Variants in DCLK1 observed in about 807,000 individuals in gnomAD.
DCLK1 encodes doublecortin like kinase 1.
A neutral mutation model predicts 86.2 loss-of-function variants in DCLK1; 16 were observed. That is an observed-to-expected ratio of 0.19 (90% CI 0.13 to 0.28). The LOEUF (loss-of-function observed/expected upper bound fraction) is 0.28. Among genes scored for constraint, DCLK1 ranks in the 10% least tolerant of loss-of-function variants. DCLK1 has a pLI of 1.00. For missense variants in DCLK1, 590 were observed against 940.2 expected (o/e 0.63, Z 4.87); for synonymous variants, 369 against 370.5 (o/e 1.00, Z 0.05).
chr13:36,005,746 C>G (rs904407730), intron 3 of DCLK1, among the ~76,000 whole-genome samples: 1 of 152,112 alleles, frequency 6.6e-6, no homozygotes, highest in African/African-American at 2.4e-5. Flanking sequence ...TTTCCAATAG[C>G]AAAGACTAGA....
chr13:36,035,692 C>T (rs1459350420), intron 3 of DCLK1, among the ~76,000 whole-genome samples: 1 of 152,132 alleles, frequency 6.6e-6, no homozygotes, highest in African/African-American at 2.4e-5. Flanking sequence ...GCAAAAGCCA[C>T]CATGCTGGCT....
At chr13:35,864,055 C>T (rs72652879) in intron 5 of DCLK1, among the ~76,000 whole-genome samples, 11,335 of 152,172 alleles carry the variant, frequency 0.074, 492 homozygotes, top group Middle Eastern at 0.11. Context: ...TCTCCAGCAC[C>T]CAACGTTGCC....
chr13:36,116,586 T>C (rs996905015), intron 2 of DCLK1, among the ~76,000 whole-genome samples: 5 of 152,258 alleles, frequency 3.3e-5, no homozygotes, highest in African/African-American at 7.2e-5. Context: ...ACTACTTAAC[T>C]TCAGTCTGAA....
rs1008039901 is a variant in DCLK1 at position 35,847,189 on chromosome 13, T to G, written c.1035+7310A>C. ...TTTAATAGTTAACACAATATTGGAT[T>G]TAGCTGAATTTCAATTTTTTTATAA... On this transcript the variant is annotated intron_variant, in intron 6 of 16. Coordinates refer to ENST00000360631, the MANE Select transcript of DCLK1 (RefSeq NM_001330071.2). 6 of 975,318 alleles carry G rather than the reference T, an allele frequency of 6.2e-6. No homozygotes were observed. The Admixed American group carries it at 3.1e-4, about 50-fold the overall frequency. The allele number at this position is 975,318 out of a possible 1,614,324, so 60.4% of individuals were successfully genotyped here.
chr13:35,868,022 C>CTT lies in DCLK1; in HGVS notation c.940+3200_940+3201dup, dbSNP rs548370259. 2.1e-3 allele frequency among the ~76,000 whole-genome samples: 252 copies of CTT among 118,546 alleles called. 10 individuals carry two copies. The highest frequency in any genetic ancestry group is 8.2e-3 in the African/African-American group (236 of 28,936). 77.8% of individuals were successfully genotyped at this position (118,546 alleles called of 152,430 possible). On this transcript the variant is annotated intron_variant, in intron 5 of 16. Coordinates refer to ENST00000360631, the MANE Select transcript of DCLK1 (RefSeq NM_001330071.2). Reference sequence around the variant, plus strand: ...CTAGAGTATCTAACAACCTACAGCTCTTTTTTTTTTTTTTTTTTGAGATGG... The same window carrying CTT: ...CTAGAGTATCTAACAACCTACAGCTCTTTTTTTTTTTTTTTTTTTTGAGATGG...
intron 4 of DCLK1, among the ~76,000 whole-genome samples, chr13:35,911,943 A>AT (rs1230421134): frequency 6.6e-6 from 1 of 152,148 alleles, no homozygotes; most frequent in Non-Finnish European, 1.5e-5. Context: ...CCCTTCCATC[A>AT]TAGCTGTGGG....
intron 3 of DCLK1, among the ~76,000 whole-genome samples, chr13:36,048,386 C>A (rs764959867): frequency 1.3e-5 from 2 of 152,074 alleles, no homozygotes; most frequent in Non-Finnish European, 2.9e-5. Flanking sequence ...CACCTAAAGA[C>A]AATATTATTT....
intron 4 of DCLK1, among the ~76,000 whole-genome samples, chr13:35,880,708 TCCCAG>T (rs1324590122): frequency 6.6e-6 from 1 of 152,178 alleles, no homozygotes; most frequent in African/African-American, 2.4e-5. Flanking sequence ...TTAAAACGTG[TCCCAG>T]AAGGCATCTG....
intron 4 of DCLK1, among the ~76,000 whole-genome samples, chr13:35,874,162 T>G (rs2153115243): frequency 6.6e-6 from 1 of 152,310 alleles, no homozygotes; most frequent in East Asian, 1.9e-4. Flanking sequence ...TTCAAAATTT[T>G]TCTTCCCTAT....
intron 3 of DCLK1, among the ~76,000 whole-genome samples, chr13:36,096,274 G>T (rs991262107): frequency 6.6e-6 from 1 of 152,150 alleles, no homozygotes; most frequent in African/African-American, 2.4e-5. Flanking sequence ...TTCCCATCTT[G>T]TAAGAGGCTT....
At chr13:35,988,302 C>T (rs547060967) in intron 3 of DCLK1, among the ~76,000 whole-genome samples, 2 of 152,366 alleles carry the variant, frequency 1.3e-5, no homozygotes, top group South Asian at 4.1e-4. Flanking sequence ...GTTGGCGACA[C>T]CGCGGCCTGA....
intron 1 of DCLK1, among the ~76,000 whole-genome samples, chr13:36,128,453 G>T (rs563353197): frequency 6.6e-6 from 1 of 152,120 alleles, no homozygotes; most frequent in African/African-American, 2.4e-5. Flanking sequence ...TGAGAAGCAG[G>T]ATTTTGTAAG....
chr13:35,895,860 G>GA (rs1406623223), intron 4 of DCLK1, among the ~76,000 whole-genome samples: 12 of 151,398 alleles, frequency 7.9e-5, no homozygotes, highest in African/African-American at 2.9e-4. Flanking sequence ...ATTTTTAATA[G>GA]AAAAAACTAT....
intron 8 of DCLK1, among the ~76,000 whole-genome samples, chr13:35,834,722 AGAG>A (rs924714783): frequency 5.9e-5 from 9 of 152,134 alleles, no homozygotes; most frequent in Non-Finnish European, 1.0e-4. Flanking sequence ...TGAGAGGGAG[AGAG>A]GAGAACGGTG....
chr13:35,805,553 C>T (rs1396831795), intron 15 of DCLK1, 146 bp downstream of exon 15: 1 of 726,816 alleles, frequency 1.4e-6, no homozygotes, highest in Non-Finnish European at 2.2e-6. Context: ...CCCACCTCGG[C>T]CTCCCAAAGG....
intron 4 of DCLK1, among the ~76,000 whole-genome samples, chr13:35,911,046 G>A (rs981412017): frequency 6.6e-6 from 1 of 151,598 alleles, no homozygotes; most frequent in Admixed American, 6.6e-5. Flanking sequence ...CACTTTGGGA[G>A]GCAGAGGTGG....
At chr13:36,014,441 T>C (rs560633920) in intron 3 of DCLK1, among the ~76,000 whole-genome samples, 2 of 150,540 alleles carry the variant, frequency 1.3e-5, no homozygotes, top group Admixed American at 6.7e-5. Flanking sequence ...ATAAAAACTG[T>C]TTTTTTTTAC....
At chr13:36,078,753 A>C (rs958030556) in intron 3 of DCLK1, among the ~76,000 whole-genome samples, 6 of 152,196 alleles carry the variant, frequency 3.9e-5, no homozygotes, top group Non-Finnish European at 8.8e-5. Context: ...TTTTATGTGA[A>C]TTTGAAATAG....
At chr13:36,089,259 C>T (rs919201805) in intron 3 of DCLK1, among the ~76,000 whole-genome samples, 1 of 152,158 alleles carries the variant, frequency 6.6e-6, no homozygotes, top group African/African-American at 2.4e-5. Flanking sequence ...TGTAAGCTCT[C>T]CTCTACTTGA....
Sources: gnomAD v4.1 joint callset for allele counts (sites outside exome capture counted in the v4.1 genomes callset) on GRCh38, gnomAD v4.1.1 for gene constraint, MANE v1.5 for transcripts, NCBI Gene and HGNC (gene_info 2026-07-23, HGNC 2026-07-21) for gene names.